Variants in AGBL4 observed in about 807,000 individuals in gnomAD.
The protein encoded by AGBL4 is AGBL carboxypeptidase 4.
In AGBL4, 58 loss-of-function variants were observed where a neutral mutation model predicts 66.4. The observed-to-expected ratio is 0.87, with a 90% confidence interval of 0.71 to 1.09. AGBL4 has a LOEUF of 1.09. AGBL4 is among the 50% of genes least tolerant of loss of function. AGBL4 has a pLI of 0.00. For synonymous variants in AGBL4, 234 were observed against 222.9 expected, an observed-to-expected ratio of 1.05 and a Z score of -0.44; for missense variants, 579 against 631.0, an observed-to-expected ratio of 0.92 and a Z score of 0.88.
intron 5 of AGBL4, among the ~76,000 whole-genome samples, chr1:49,009,153 A>G (rs1483104439): frequency 2.6e-5 from 4 of 152,050 alleles, no homozygotes; most frequent in Non-Finnish European, 5.9e-5. Context: ...AGAAAAAAAG[A>G]GAGAAGAATC....
intron 3 of AGBL4, among the ~76,000 whole-genome samples, chr1:49,560,670 C>T (rs1369221817): frequency 6.6e-6 from 1 of 152,018 alleles, no homozygotes; most frequent in Admixed American, 6.6e-5. Context: ...TTAATAAACT[C>T]ACAAAGTTCA....
At chr1:49,573,907 CCAG>C (rs2148874118) in intron 3 of AGBL4, among the ~76,000 whole-genome samples, 1 of 152,248 alleles carries the variant, frequency 6.6e-6, no homozygotes, top group Non-Finnish European at 1.5e-5. Context: ...TTCCCCAACC[CCAG>C]TAGTGGCAAC....
At chr1:48,661,617 T>C (rs966335870) in intron 7 of AGBL4, among the ~76,000 whole-genome samples, 1 of 152,220 alleles carries the variant, frequency 6.6e-6, no homozygotes, top group Non-Finnish European at 1.5e-5. Flanking sequence ...TCCCTTTTAG[T>C]AACAGGGTCT....
At chr1:49,927,170 T>G (rs1652861068) in intron 1 of AGBL4, among the ~76,000 whole-genome samples, 1 of 152,192 alleles carries the variant, frequency 6.6e-6, no homozygotes, top group African/African-American at 2.4e-5. Context: ...CCAACTCAAA[T>G]GTTAATCTCC....
At chr1:48,723,138 T>C (rs1284380308) in intron 6 of AGBL4, among the ~76,000 whole-genome samples, 2 of 152,188 alleles carry the variant, frequency 1.3e-5, no homozygotes, top group Non-Finnish European at 2.9e-5. Context: ...TGAAGCAGAA[T>C]TTGAGCTATT....
intron 4 of AGBL4, among the ~76,000 whole-genome samples, chr1:49,170,420 A>G (rs1410272294): frequency 7.0e-6 from 1 of 142,422 alleles, no homozygotes; most frequent in Non-Finnish European, 1.5e-5. Context: ...TTATGTAAAA[A>G]TATTTATATA....
At chr1:49,789,951 C>G (rs1339834606) in intron 2 of AGBL4, among the ~76,000 whole-genome samples, 4 of 152,088 alleles carry the variant, frequency 2.6e-5, no homozygotes, top group African/African-American at 9.7e-5. Context: ...CTACAGTAAC[C>G]AAACAGCATG....
Position 49,367,496 on chromosome 1 carries a change from G to C in AGBL4, c.283-121632C>G, listed in dbSNP as rs1300155610. On this transcript the variant is annotated intron_variant, in intron 3 of 13. Transcript: ENST00000371839. ...CTTCATGTATAGCTTGCAAAACTGT[G>C]AGTCAAGTAAACCTTTTTTCTTTAG... is the stretch of plus-strand genomic sequence containing the variant. Among the ~76,000 whole-genome samples the C allele has an allele frequency of 2.0e-5, 3 of 152,152 alleles. No homozygotes were observed. The South Asian group carries it at 6.2e-4, about 32-fold the overall frequency.
At chr1:49,784,376 G>A (rs757243132) in intron 2 of AGBL4, among the ~76,000 whole-genome samples, 3 of 152,036 alleles carry the variant, frequency 2.0e-5, no homozygotes, top group Non-Finnish European at 4.4e-5. Context: ...CCATTTGATA[G>A]AGAAAACAAG....
intron 6 of AGBL4, among the ~76,000 whole-genome samples, chr1:48,740,941 C>G (rs966802464): frequency 1.3e-5 from 2 of 152,204 alleles, no homozygotes; most frequent in African/African-American, 4.8e-5. Context: ...TAGCAACATG[C>G]TGGCAAAAAC....
intron 6 of AGBL4, among the ~76,000 whole-genome samples, chr1:48,767,281 G>C (rs1445785191): frequency 1.3e-5 from 2 of 152,170 alleles, no homozygotes; most frequent in Admixed American, 6.5e-5. Flanking sequence ...TTTCCAAAGA[G>C]ATAGTGCATG....
chr1:49,369,146 C>T (rs1225457355), intron 3 of AGBL4, among the ~76,000 whole-genome samples: 1 of 152,100 alleles, frequency 6.6e-6, no homozygotes, highest in African/African-American at 2.4e-5. Context: ...CAAAGTCTCA[C>T]AAAATTAGCA....
chr1:49,078,085 C>T (rs368716756), intron 4 of AGBL4, among the ~76,000 whole-genome samples: 1 of 152,058 alleles, frequency 6.6e-6, no homozygotes, highest in African/African-American at 2.4e-5. Context: ...GTGTCTGACT[C>T]TAAACCTGAG....
intron 1 of AGBL4, among the ~76,000 whole-genome samples, chr1:50,010,278 G>T (rs1661434045): frequency 6.7e-6 from 1 of 150,192 alleles, no homozygotes; most frequent in Non-Finnish European, 1.5e-5. Flanking sequence ...CTGCACTCCA[G>T]CCTGGGCAAT....
intron 5 of AGBL4, among the ~76,000 whole-genome samples, chr1:48,905,963 TC>T (rs1652548725): frequency 1.3e-5 from 2 of 152,166 alleles, no homozygotes; most frequent in Non-Finnish European, 1.5e-5. Context: ...TGACAAAAAT[TC>T]CTTCCCCCCA....
chr1:49,174,771 C>T (rs1646801297), intron 4 of AGBL4: 2 of 151,950 alleles, frequency 1.3e-5, no homozygotes, highest in South Asian at 4.1e-4. Context: ...AAGATGATAT[C>T]TTTAATCTCT....
chr1:49,014,437 T>C (rs1224051492), intron 5 of AGBL4, among the ~76,000 whole-genome samples: 1 of 152,218 alleles, frequency 6.6e-6, no homozygotes, highest in African/African-American at 2.4e-5. Flanking sequence ...CTCTTGTGCC[T>C]CAGTTTTCCC....
chr1:49,740,886 G>A (rs1323442847), intron 2 of AGBL4, among the ~76,000 whole-genome samples: 1 of 152,132 alleles, frequency 6.6e-6, no homozygotes, highest in Non-Finnish European at 1.5e-5. Flanking sequence ...GAATCTCTGG[G>A]ACACATTCAA....
intron 3 of AGBL4, among the ~76,000 whole-genome samples, chr1:49,558,561 G>A (rs1432506925): frequency 6.6e-6 from 1 of 152,100 alleles, no homozygotes; most frequent in Non-Finnish European, 1.5e-5. Context: ...GGATGGTCTT[G>A]ATCTCCTCAC....
Sources: gnomAD v4.1 joint callset for allele counts (sites outside exome capture counted in the v4.1 genomes callset) on GRCh38, gnomAD v4.1.1 for gene constraint, MANE v1.5 for transcripts, NCBI Gene and HGNC (gene_info 2026-07-23, HGNC 2026-07-21) for gene names.